The following OPCML variants were observed in gnomAD, a reference collection of about 807,000 sequenced individuals.
OPCML encodes opioid-binding protein/cell adhesion molecule.
In OPCML, 13 loss-of-function variants were observed where a neutral mutation model predicts 37.8. That is an observed-to-expected ratio of 0.34 (90% CI 0.22 to 0.55). The LOEUF is 0.55. OPCML is among the 20% of genes least tolerant of loss of function. The pLI, the probability that OPCML is intolerant of heterozygous loss-of-function variation, is 0.91. For synonymous variants in OPCML, 176 were observed against 168.8 expected (o/e 1.04, Z -0.33); for missense variants, 341 against 435.6 (o/e 0.78, Z 1.93).
At chr11:132,758,401 G>C (rs1414445171) in intron 2 of OPCML, among the ~76,000 whole-genome samples, 2 of 152,134 alleles carry the variant, frequency 1.3e-5, no homozygotes, top group African/African-American at 4.8e-5. Flanking sequence ...GGGCAGTATG[G>C]CCATTTTCAC....
chr11:133,353,552 G>A (rs950018198), intron 1 of OPCML, among the ~76,000 whole-genome samples: 5 of 152,152 alleles, frequency 3.3e-5, no homozygotes, highest in African/African-American at 1.2e-4. Flanking sequence ...CATGTTGATG[G>A]GGGCCACAGA....
At chr11:132,681,704 C>A (rs1423028584) in intron 2 of OPCML, among the ~76,000 whole-genome samples, 1 of 152,098 alleles carries the variant, frequency 6.6e-6, no homozygotes, top group Non-Finnish European at 1.5e-5. Context: ...ACCTGTAATC[C>A]CAGCACTTTG....
At chr11:132,849,230 A>G (rs1941689227) in intron 2 of OPCML, among the ~76,000 whole-genome samples, 1 of 152,232 alleles carries the variant, frequency 6.6e-6, no homozygotes, top group African/African-American at 2.4e-5. Flanking sequence ...GAGAGGATGA[A>G]TAACTTGCAC....
At chr11:132,810,949 GA>G (rs1939306212) in intron 2 of OPCML, among the ~76,000 whole-genome samples, 1 of 152,110 alleles carries the variant, frequency 6.6e-6, no homozygotes, top group Non-Finnish European at 1.5e-5. Context: ...GGTGGGTGGG[GA>G]TAACACATCC....
intron 1 of OPCML, among the ~76,000 whole-genome samples, chr11:133,214,718 A>C (rs1246282944): frequency 6.6e-6 from 1 of 152,152 alleles, no homozygotes; most frequent in Non-Finnish European, 1.5e-5. Flanking sequence ...TCAGTTTAAG[A>C]GATTGCATTT....
chr11:133,054,453 C>A (rs188276634), intron 1 of OPCML, among the ~76,000 whole-genome samples: 58 of 152,330 alleles, frequency 3.8e-4, no homozygotes, highest in African/African-American at 1.4e-3. Flanking sequence ...ACACTGGAAC[C>A]AGGCTCAGAG....
intron 1 of OPCML, among the ~76,000 whole-genome samples, chr11:133,519,485 G>A (rs1269953787): frequency 5.9e-5 from 9 of 152,152 alleles, no homozygotes; most frequent in South Asian, 4.1e-4. Flanking sequence ...TCTGTTCCCA[G>A]ATGTCACCAC....
intron 1 of OPCML, among the ~76,000 whole-genome samples, chr11:133,140,946 CGACGAAGAAGAAGAAGAAGAAGAAGAA>C (rs1949795566): frequency 2.1e-4 from 1 of 4,656 alleles, no homozygotes; most frequent in African/African-American, 4.0e-4. Flanking sequence ...AAGAAGAAGA[CGACGAAGAAGAAGAAGAAGAAGAAGAA>C]GAAGAAGAAG....
chr11:132,601,990 G>A (rs1937948447), intron 3 of OPCML, among the ~76,000 whole-genome samples: 1 of 152,094 alleles, frequency 6.6e-6, no homozygotes, highest in Admixed American at 6.6e-5. Flanking sequence ...CAGGCACTAT[G>A]ATTCATGTCT....
intron 1 of OPCML, among the ~76,000 whole-genome samples, chr11:133,087,974 T>C (rs1208225312): frequency 6.6e-6 from 1 of 152,242 alleles, no homozygotes; most frequent in Non-Finnish European, 1.5e-5. Context: ...CTTGCCAAAG[T>C]ATCCACTGTG....
At chr11:133,352,082 G>A (rs1175128464) in intron 1 of OPCML, among the ~76,000 whole-genome samples, 3 of 152,226 alleles carry the variant, frequency 2.0e-5, no homozygotes, top group East Asian at 3.9e-4. Context: ...CTTCTCCCCT[G>A]TAATCAATTC....
chr11:133,221,582 G>A (rs535481215), intron 1 of OPCML, among the ~76,000 whole-genome samples: 11 of 152,228 alleles, frequency 7.2e-5, no homozygotes, highest in South Asian at 6.2e-4. Context: ...CAACTCCCAC[G>A]TCCAAGACCC....
chr11:133,227,894 T>C lies in OPCML; in HGVS notation c.62-284884A>G, dbSNP rs150491634. Among the ~76,000 whole-genome samples, 433 of 152,248 alleles carry C rather than the reference T, an allele frequency of 2.8e-3. 4 individuals carry two copies. Among genetic ancestry groups the C allele is most frequent in the Middle Eastern group, 6.8e-3 (2 of 294 alleles). On this transcript the variant is annotated intron_variant, in intron 1 of 7. Coordinates refer to ENST00000524381, the MANE Select transcript of OPCML (RefSeq NM_001012393.5). ...GCAAACGCTGGGCCCTGTGACCACA[T>C]GCAAAAGGAAGTTGGGTCAGGCTTT...
At chr11:133,246,568 A>C (rs1163659803) in intron 1 of OPCML, among the ~76,000 whole-genome samples, 2 of 152,216 alleles carry the variant, frequency 1.3e-5, no homozygotes, top group Non-Finnish European at 2.9e-5. Context: ...ACACTGTGTC[A>C]GGGCCCATAA....
intron 3 of OPCML, among the ~76,000 whole-genome samples, chr11:132,604,303 A>T (rs1938128592): frequency 6.6e-6 from 1 of 150,578 alleles, no homozygotes; most frequent in Non-Finnish European, 1.5e-5. Flanking sequence ...TACAGGGAGG[A>T]GTCCGTGCCT....
At chr11:133,357,847 A>T (rs1944324174) in intron 1 of OPCML, among the ~76,000 whole-genome samples, 1 of 152,050 alleles carries the variant, frequency 6.6e-6, no homozygotes. Flanking sequence ...AGCACATTCA[A>T]ATCCCTTCAA....
At chr11:133,369,391 C>T (rs1174842035) in intron 1 of OPCML, among the ~76,000 whole-genome samples, 4 of 152,118 alleles carry the variant, frequency 2.6e-5, no homozygotes, top group Admixed American at 6.5e-5. Flanking sequence ...TGTAGAAAAG[C>T]TCCCCAAAAG....
At chr11:133,230,783 C>T (rs1940243790) in intron 1 of OPCML, among the ~76,000 whole-genome samples, 1 of 152,208 alleles carries the variant, frequency 6.6e-6, no homozygotes, top group Non-Finnish European at 1.5e-5. Flanking sequence ...GAGCTGTCTA[C>T]TTTCGCAAAG....
At chr11:132,586,252 G>T (rs182112205) in intron 3 of OPCML, among the ~76,000 whole-genome samples, 59 of 152,264 alleles carry the variant, frequency 3.9e-4, no homozygotes, top group African/African-American at 1.3e-3. Context: ...AAAGAAAAAT[G>T]AAACTGCATC....
Sources: allele counts gnomAD v4.1 joint callset (sites outside exome capture counted in the v4.1 genomes callset), GRCh38; gene constraint gnomAD v4.1.1; transcripts MANE v1.5; gene names NCBI Gene and HGNC (gene_info 2026-07-23, HGNC 2026-07-21).